Variants in UGT1A8 observed in about 807,000 individuals in gnomAD.
The protein encoded by UGT1A8 is UDP glucuronosyltransferase family 1 member A8, also known as UDP-glucuronosyltransferase 1A8.
In UGT1A8, 39 loss-of-function variants were observed where a neutral mutation model predicts 45.3. The ratio of observed to expected loss-of-function variants is 0.86; its 90% CI spans 0.67 to 1.12. UGT1A8 has a LOEUF of 1.12. UGT1A8 is among the 50% of genes most tolerant of loss of function. UGT1A8 has a pLI of 0.00. For missense variants in UGT1A8, 719 were observed against 664.9 expected, an observed-to-expected ratio of 1.08 and a Z score of -0.90; for synonymous variants, 275 against 249.2, an observed-to-expected ratio of 1.10 and a Z score of -0.97.
chr2:233,651,803 TTG>T (rs888901475), intron 1 of UGT1A8, among the ~76,000 whole-genome samples: 1 of 152,096 alleles, frequency 6.6e-6, no homozygotes, highest in African/African-American at 2.4e-5. Flanking sequence ...CCACGCGTGT[TTG>T]TGTGTGTGCA....
chr2:233,678,876 A>G (rs2074431047), intron 1 of UGT1A8, among the ~76,000 whole-genome samples: 1 of 152,158 alleles, frequency 6.6e-6, no homozygotes, highest in Non-Finnish European at 1.5e-5. Flanking sequence ...TCCCTTCATG[A>G]CTTCCTTGAT....
Position 233,643,289 on chromosome 2 carries a change from C to T in UGT1A8, c.855+24727C>T, listed in dbSNP as rs569803841. On this transcript the variant is annotated intron_variant, in intron 1 of 4. Transcript: ENST00000373450. ...CAAGATGCAGTCCTTCCCATTCTTC[C>T]CTCTTATTTGCAAAGACAGAGGAGC... 6.7e-4 allele frequency among the ~76,000 whole-genome samples: 102 copies of T among 152,262 alleles called. 2 individuals are homozygous for T. In the Middle Eastern group the frequency reaches 0.021, roughly 31 times the overall value.
chr2:233,760,476 C>G (rs191471887), intron 1 of UGT1A8: 1 of 1,614,200 alleles, frequency 6.2e-7, no homozygotes, highest in Non-Finnish European at 8.5e-7. Context: ...TAGCACCTGA[C>G]GCCTCGTTGT....
intron 1 of UGT1A8, chr2:233,681,856 C>T: frequency 1.3e-6 from 2 of 1,520,208 alleles, no homozygotes; most frequent in Non-Finnish European, 1.8e-6. Flanking sequence ...CTTTTGAGGG[C>T]AGGTTCTATC....
At chr2:233,690,390 C>T in intron 1 of UGT1A8, 3 of 1,083,924 alleles carry the variant, frequency 2.8e-6, no homozygotes, top group Non-Finnish European at 3.7e-6. Flanking sequence ...CGTTTCCAGA[C>T]CTTCCTATTC....
chr2:233,753,809 G>A (rs1297655785), intron 1 of UGT1A8, among the ~76,000 whole-genome samples: 1 of 152,202 alleles, frequency 6.6e-6, no homozygotes, highest in Non-Finnish European at 1.5e-5. Context: ...CATAGTTGGA[G>A]AACCACGTTA....
chr2:233,758,758 G>C (rs1696968653), intron 1 of UGT1A8, among the ~76,000 whole-genome samples: 1 of 152,210 alleles, frequency 6.6e-6, no homozygotes, highest in Non-Finnish European at 1.5e-5. Context: ...CCAGTGATGT[G>C]TATGGTTCAA....
At chr2:233,688,275 G>A (rs1164670990) in intron 1 of UGT1A8, among the ~76,000 whole-genome samples, 1 of 152,188 alleles carries the variant, frequency 6.6e-6, no homozygotes, top group Non-Finnish European at 1.5e-5. Context: ...ATATTCCATT[G>A]TATGGATTTA....
chr2:233,724,361 G>C (rs2077237961), intron 1 of UGT1A8, among the ~76,000 whole-genome samples: 2 of 148,044 alleles, frequency 1.4e-5, no homozygotes, highest in African/African-American at 2.5e-5. Context: ...CTCCCTCCCG[G>C]ACGGGGTGGC....
intron 1 of UGT1A8, among the ~76,000 whole-genome samples, chr2:233,700,049 A>G (rs1170683742): frequency 6.6e-6 from 1 of 152,212 alleles, no homozygotes; most frequent in Non-Finnish European, 1.5e-5. Context: ...ATCAATTCCA[A>G]GTGAATCCAG....
rs570583688 is a variant in UGT1A8, at chr2:233,636,862, A to T, written c.855+18300A>T. 6.2e-6 allele frequency: 10 copies of T among 1,614,190 alleles called. No homozygotes were observed. In the South Asian group the frequency reaches 9.9e-5, roughly 16 times the overall value. On this transcript the variant is annotated intron_variant, in intron 1 of 4. Transcript: ENST00000373450. ...ATTTTCTCTATTAATGAGTTCATCC[A>T]GTGGTTTTCTTGACTTATTTTTTTC... is the stretch of plus-strand genomic sequence containing the variant.
intron 1 of UGT1A8, among the ~76,000 whole-genome samples, chr2:233,764,826 T>G (rs932278016): frequency 5.9e-5 from 9 of 151,744 alleles, no homozygotes; most frequent in African/African-American, 2.2e-4. Flanking sequence ...TGCAGCATGG[T>G]GGTGGGGAGG....
At position 233,725,055 on chromosome 2, in the gene UGT1A8, C is replaced by T. The variant is rs1006940909; in HGVS notation, c.856-41979C>T. On this transcript the variant is annotated intron_variant, in intron 1 of 4. Transcript: ENST00000373450. ...CACCAAAACCAGTCAGGCGTGGCGG[C>T]GCGCGCCTGCAATCGCAGGCACTCG... is the stretch of plus-strand genomic sequence containing the variant. Among the ~76,000 whole-genome samples the T allele has an allele frequency of 2.2e-4, 33 of 147,502 alleles. 1 individual carries two copies. The highest frequency in any genetic ancestry group is 9.3e-4 in the South Asian group (4 of 4,294).
rs542679455 is a variant in UGT1A8, at chr2:233,631,313, C to T, written c.855+12751C>T. On this transcript the variant is annotated intron_variant, in intron 1 of 4. Transcript: ENST00000373450. ...CTGCAATAAAATACATGTGCATGTG[C>T]TTTATAATAGAATGATTTATAATCC... Among the ~76,000 whole-genome samples the T allele has an allele frequency of 3.3e-5, 5 of 152,034 alleles. No homozygotes were observed. In the South Asian group the frequency reaches 8.3e-4, roughly 25 times the overall value.
chr2:233,767,737 C>A, intron 2 of UGT1A8, 112 bp from the exon 3 acceptor site: 1 of 1,571,400 alleles, frequency 6.4e-7, no homozygotes, highest in South Asian at 1.2e-5. Context: ...TCCTCCCACT[C>A]TGTTAAAGAC....
chr2:233,682,291 C>T (rs773715272), intron 1 of UGT1A8: 20 of 1,614,018 alleles, frequency 1.2e-5, no homozygotes, highest in African/African-American at 2.7e-5. Context: ...GTATTTTTGA[C>T]TTATTTTTTT....
At chr2:233,659,266 G>A (rs2073917866) in intron 1 of UGT1A8, among the ~76,000 whole-genome samples, 1 of 152,066 alleles carries the variant, frequency 6.6e-6, no homozygotes, top group Non-Finnish European at 1.5e-5. Context: ...CAACCTCGCA[G>A]GTAGTCTAAA....
chr2:233,709,943 C>T (rs908134043), intron 1 of UGT1A8, among the ~76,000 whole-genome samples: 1 of 152,174 alleles, frequency 6.6e-6, no homozygotes, highest in African/African-American at 2.4e-5. Flanking sequence ...TGGATGGTTT[C>T]TGTTGCTGGA....
At chr2:233,689,028 GA>G in intron 1 of UGT1A8, among the ~76,000 whole-genome samples, 1 of 152,198 alleles carries the variant, frequency 6.6e-6, no homozygotes, top group Non-Finnish European at 1.5e-5. Flanking sequence ...TGGCCAAGTG[GA>G]AATCCTACTT....
Sources: allele counts gnomAD v4.1 joint callset (sites outside exome capture counted in the v4.1 genomes callset), GRCh38; gene constraint gnomAD v4.1.1; transcripts MANE v1.5; gene names NCBI Gene and HGNC (gene_info 2026-07-23, HGNC 2026-07-21).